The following DRC9 variants were observed in gnomAD, a reference collection of about 807,000 sequenced individuals.
The protein encoded by DRC9 is dynein regulatory complex protein 9.
chr3:197,892,258 T>A, the DRC9 span, among the ~76,000 whole-genome samples: 1 of 152,170 alleles, frequency 6.6e-6, no homozygotes, highest in Non-Finnish European at 1.5e-5. Flanking sequence ...AATCACAAGC[T>A]TGTTAGAAAT....
the DRC9 span, chr3:197,950,235 C>G: frequency 1.5e-5 from 19 of 1,230,960 alleles, no homozygotes; most frequent in Non-Finnish European, 1.8e-5. Flanking sequence ...AGTGAAGGGT[C>G]TGCTGCTGAA....
At chr3:197,950,151 G>T in the DRC9 span, 1 of 1,231,828 alleles carries the variant, frequency 8.1e-7, no homozygotes, top group Non-Finnish European at 1.0e-6. Flanking sequence ...GGAGTCGAAA[G>T]ATGTTTAATC....
At chr3:197,913,387 AAAG>A in the DRC9 span, 1 of 251,980 alleles carries the variant, frequency 4.0e-6, no homozygotes, top group Non-Finnish European at 7.6e-6. Flanking sequence ...CATTCCCCTC[AAAG>A]AAGATCTACC....
At chr3:197,915,857 G>T in the DRC9 span, among the ~76,000 whole-genome samples, 59 of 152,270 alleles carry the variant, frequency 3.9e-4, no homozygotes, top group Middle Eastern at 0.02. Context: ...TTGATCTCCC[G>T]ACCTCAGGTG....
At chr3:197,931,762 C>T in the DRC9 span, among the ~76,000 whole-genome samples, 8 of 151,806 alleles carry the variant, frequency 5.3e-5, no homozygotes, top group African/African-American at 1.9e-4. Flanking sequence ...GTAGCTGGGA[C>T]TACAGGCGCC....
chr3:197,950,346 G>C, the DRC9 span: 4 of 1,224,102 alleles, frequency 3.3e-6, no homozygotes, highest in Non-Finnish European at 4.1e-6. Context: ...CGGGTTTCAA[G>C]AAGAGGGAGA....
the DRC9 span, among the ~76,000 whole-genome samples, chr3:197,917,042 G>C: frequency 6.6e-6 from 1 of 152,186 alleles, no homozygotes; most frequent in Non-Finnish European, 1.5e-5. Context: ...CCAACCTGGT[G>C]GGGTGGCTCA....
the DRC9 span, among the ~76,000 whole-genome samples, chr3:197,943,039 A>G: frequency 6.6e-6 from 1 of 152,248 alleles, no homozygotes. Context: ...TTAAAAATGC[A>G]TAAAGACTTT....
At chr3:197,908,629 G>A in the DRC9 span, among the ~76,000 whole-genome samples, 8 of 137,692 alleles carry the variant, frequency 5.8e-5, no homozygotes, top group South Asian at 4.7e-4. Context: ...TATCACAGGG[G>A]TGGTGACTGT....
chr3:197,926,701 G>C, the DRC9 span, among the ~76,000 whole-genome samples: 32 of 152,218 alleles, frequency 2.1e-4, no homozygotes, highest in African/African-American at 6.5e-4. Context: ...AAGTGTGGCA[G>C]GAATCACATG....
the DRC9 span, chr3:197,889,261 CT>C: frequency 1.0e-5 from 3 of 296,534 alleles, no homozygotes; most frequent in East Asian, 1.9e-4. Flanking sequence ...CAATGCGTCA[CT>C]GTAGCTAAGC....
the DRC9 span, chr3:197,912,960 C>T: frequency 5.4e-6 from 3 of 551,680 alleles, no homozygotes; most frequent in Non-Finnish European, 9.8e-6. Context: ...ACGAGACGAG[C>T]ACAATCCCGT....
chr3:197,929,144 A>C, the DRC9 span, among the ~76,000 whole-genome samples: 1 of 152,178 alleles, frequency 6.6e-6, no homozygotes, highest in African/African-American at 2.4e-5. This position sits in a 1 kb window ranked among gnomAD's most constrained non-coding sequence, Gnocchi z 4.6. Context: ...CATGCTAAAA[A>C]CAGGGGGACC....
At chr3:197,904,961 T>C in the DRC9 span, among the ~76,000 whole-genome samples, 1 of 152,216 alleles carries the variant, frequency 6.6e-6, no homozygotes, top group Admixed American at 6.5e-5. Flanking sequence ...GAGGTCATTA[T>C]GTTAAGTGAA....
the DRC9 span, chr3:197,891,627 T>A: frequency 3.0e-4 from 204 of 672,666 alleles, 1 homozygote; most frequent in East Asian, 5.6e-3. Flanking sequence ...ACTTTTAATA[T>A]AAAATTTCAA....
At chr3:197,949,906 G>A in the DRC9 span, 10 of 398,770 alleles carry the variant, frequency 2.5e-5, no homozygotes, top group African/African-American at 1.6e-4. Context: ...TACGGCGTCC[G>A]GGGACGCAGG....
chr3:197,932,801 AT>A, the DRC9 span, among the ~76,000 whole-genome samples: 2 of 142,670 alleles, frequency 1.4e-5, no homozygotes, highest in Admixed American at 1.5e-4. Context: ...GTCTCAAAAA[AT>A]ATATATATGT....
the DRC9 span, among the ~76,000 whole-genome samples, chr3:197,935,109 T>C: frequency 6.6e-6 from 1 of 152,162 alleles, no homozygotes; most frequent in Non-Finnish European, 1.5e-5. Flanking sequence ...TTAGCTGGTA[T>C]GGTAAGGAAG....
the DRC9 span, chr3:197,914,054 A>G: frequency 4.3e-6 from 7 of 1,612,460 alleles, no homozygotes; most frequent in African/African-American, 4.0e-5. Flanking sequence ...TGTAGTGGAA[A>G]GACCAGGTTT....
Sources: allele counts gnomAD v4.1 joint callset (sites outside exome capture counted in the v4.1 genomes callset), GRCh38; gene constraint gnomAD v4.1.1; non-coding constraint Gnocchi (gnomAD v3.1); transcripts MANE v1.5; gene names NCBI Gene and HGNC (gene_info 2026-07-23, HGNC 2026-07-21).